LRMDA: variants seen among roughly 807,000 people sequenced by gnomAD.
The protein encoded by LRMDA is leucine-rich melanocyte differentiation-associated protein.
A neutral mutation model predicts 29.8 loss-of-function variants in LRMDA; 18 were observed. The observed-to-expected ratio is 0.60, with a 90% CI of 0.42 to 0.90. The LOEUF is 0.90. LRMDA is among the 40% of genes least tolerant of loss of function. The probability of loss-of-function intolerance (pLI) is 0.00; values close to 1 mark genes in which losing one functional copy is unlikely to be tolerated. For missense variants in LRMDA, 273 were observed against 273.9 expected (o/e 1.00, Z 0.02); for synonymous variants, 125 against 109.4 (o/e 1.14, Z -0.89).
chr10:75,941,166 C>G (rs1338021605), intron 2 of LRMDA, among the ~76,000 whole-genome samples: 1 of 152,130 alleles, frequency 6.6e-6, no homozygotes, highest in Non-Finnish European at 1.5e-5. Flanking sequence ...TTAAATGGAG[C>G]CCTTCACGCT....
At chr10:76,470,211 A>G (rs1160504807) in intron 6 of LRMDA, among the ~76,000 whole-genome samples, 52 of 152,168 alleles carry the variant, frequency 3.4e-4, no homozygotes, top group Admixed American at 3.4e-3. Flanking sequence ...ATACAGGCTG[A>G]AAGCAGTACA....
chr10:75,875,954 G>A (rs530491998), intron 2 of LRMDA, among the ~76,000 whole-genome samples: 58 of 151,820 alleles, frequency 3.8e-4, no homozygotes, highest in South Asian at 2.1e-3. Flanking sequence ...ATTGGAGAGC[G>A]GTGATTGGAC....
chr10:75,438,790 C>T (rs563330194), intron 2 of LRMDA, among the ~76,000 whole-genome samples: 13 of 152,280 alleles, frequency 8.5e-5, no homozygotes, highest in Admixed American at 2.6e-4. Context: ...TCATTTCTCA[C>T]GGATACCTGT....
At chr10:75,720,100 C>T (rs1287355597) in intron 2 of LRMDA, among the ~76,000 whole-genome samples, 3 of 152,190 alleles carry the variant, frequency 2.0e-5, no homozygotes, top group African/African-American at 7.2e-5. Flanking sequence ...ATACATCATA[C>T]TCTAAGATTG....
At chr10:75,995,050 G>A (rs1214038973) in intron 2 of LRMDA, among the ~76,000 whole-genome samples, 2 of 152,114 alleles carry the variant, frequency 1.3e-5, no homozygotes, top group Admixed American at 6.5e-5. Flanking sequence ...ATTTTGGAAT[G>A]CTTATATTTG....
At chr10:75,630,359 G>A (rs1285069163) in intron 2 of LRMDA, among the ~76,000 whole-genome samples, 1 of 152,226 alleles carries the variant, frequency 6.6e-6, no homozygotes, top group Non-Finnish European at 1.5e-5. Flanking sequence ...TCGGAGACCA[G>A]TCTTCGCTGG....
chr10:76,380,006 A>G (rs1288714860), intron 6 of LRMDA, among the ~76,000 whole-genome samples: 1 of 152,168 alleles, frequency 6.6e-6, no homozygotes, highest in Non-Finnish European at 1.5e-5. Context: ...ATTTCCACAT[A>G]CTTGTATAAT....
intron 2 of LRMDA, among the ~76,000 whole-genome samples, chr10:75,724,327 T>TC (rs1180828795): frequency 6.6e-6 from 1 of 152,166 alleles, no homozygotes; most frequent in Non-Finnish European, 1.5e-5. Context: ...AAAACAGGGC[T>TC]CCCCATTATG....
chr10:76,183,279 T>A (rs1400381320), intron 5 of LRMDA, among the ~76,000 whole-genome samples: 1 of 152,214 alleles, frequency 6.6e-6, no homozygotes, highest in Non-Finnish European at 1.5e-5. Context: ...AGGCTGGTAT[T>A]ATTTTAATTT....
At chr10:75,790,222 T>G (rs914184239) in intron 2 of LRMDA, among the ~76,000 whole-genome samples, 2 of 152,212 alleles carry the variant, frequency 1.3e-5, no homozygotes, top group Non-Finnish European at 2.9e-5. Flanking sequence ...ACCCACTAGA[T>G]GCCAGTTGCA....
chr10:76,393,907 TGAG>T (rs1469162289), intron 6 of LRMDA, among the ~76,000 whole-genome samples: 1 of 152,174 alleles, frequency 6.6e-6, no homozygotes, highest in Non-Finnish European at 1.5e-5. Flanking sequence ...CATTGTTTAT[TGAG>T]GAGACCGTCC....
chr10:75,894,080 A>G (rs556583824), intron 2 of LRMDA, among the ~76,000 whole-genome samples: 2 of 152,064 alleles, frequency 1.3e-5, no homozygotes, highest in East Asian at 3.9e-4. Flanking sequence ...ATTTGGTTAT[A>G]TGAGTCAGTT....
chr10:76,494,876 A>G (rs1018965985), intron 6 of LRMDA, among the ~76,000 whole-genome samples: 21 of 151,880 alleles, frequency 1.4e-4, no homozygotes, highest in Non-Finnish European at 2.1e-4. Context: ...GTTTCTAAAT[A>G]TTTTGGGGTT....
chr10:76,352,947 C>T (rs113829073), intron 6 of LRMDA, among the ~76,000 whole-genome samples: 7 of 152,036 alleles, frequency 4.6e-5, no homozygotes, highest in African/African-American at 1.7e-4. Flanking sequence ...CTCATTTGCC[C>T]CAAATGAAGC....
chr10:76,175,452 C>G (rs1006444430), intron 5 of LRMDA, among the ~76,000 whole-genome samples: 4 of 152,170 alleles, frequency 2.6e-5, no homozygotes, highest in Non-Finnish European at 5.9e-5. Context: ...CAAGTAAGTG[C>G]TCGCATTAAC....
intron 5 of LRMDA, among the ~76,000 whole-genome samples, chr10:76,314,886 T>C (rs1243774933): frequency 1.3e-5 from 2 of 152,308 alleles, no homozygotes; most frequent in Admixed American, 6.5e-5. Context: ...ATTAAATAAG[T>C]TGATAGTTTT....
intron 5 of LRMDA, among the ~76,000 whole-genome samples, chr10:76,218,141 G>A (rs928767771): frequency 2.0e-5 from 3 of 152,198 alleles, no homozygotes; most frequent in African/African-American, 4.8e-5. Flanking sequence ...TATTTGGAGT[G>A]GAGTTGGCTA....
intron 2 of LRMDA, among the ~76,000 whole-genome samples, chr10:75,907,186 G>T: frequency 6.6e-6 from 1 of 152,044 alleles, no homozygotes; most frequent in East Asian, 1.9e-4. Flanking sequence ...CACATATTGG[G>T]AAATTAACTA....
chr10:76,331,872 A>T (rs1195650268), intron 6 of LRMDA, among the ~76,000 whole-genome samples: 2 of 152,184 alleles, frequency 1.3e-5, no homozygotes, highest in Non-Finnish European at 2.9e-5. Context: ...CCTTTATTTA[A>T]TCGAGGTGAC....
Sources: allele counts gnomAD v4.1 joint callset (sites outside exome capture counted in the v4.1 genomes callset), GRCh38; gene constraint gnomAD v4.1.1; transcripts MANE v1.5; gene names NCBI Gene and HGNC (gene_info 2026-07-23, HGNC 2026-07-21).